Variants in LARGE1 observed in about 807,000 individuals in gnomAD.
LARGE1 encodes the protein LARGE xylosyl- and glucuronyltransferase 1.
Under a neutral mutation model 87.6 loss-of-function variants are expected in LARGE1, and 43 were observed. That is an observed-to-expected ratio of 0.49 (90% CI 0.38 to 0.63). The LOEUF is 0.63. Ranked by LOEUF, LARGE1 falls within the 30% of genes least tolerant of loss-of-function variation. The pLI is 0.00. For missense variants in LARGE1, 802 were observed against 1,000.2 expected (o/e 0.80, Z 2.67); for synonymous variants, 434 against 394.6 (o/e 1.10, Z -1.18).
intron 7 of LARGE1, among the ~76,000 whole-genome samples, chr22:33,407,615 C>G (rs1273464422): frequency 1.3e-5 from 2 of 152,158 alleles, no homozygotes; most frequent in Non-Finnish European, 2.9e-5. Flanking sequence ...TGGCTTTATT[C>G]AATCTCAGCC....
At chr22:33,091,368 C>G in the LARGE1 span, among the ~76,000 whole-genome samples, 2 of 152,034 alleles carry the variant, frequency 1.3e-5, no homozygotes, top group African/African-American at 4.8e-5. Flanking sequence ...CAAGACCAGC[C>G]TGACCAACAT....
intron 11 of LARGE1, among the ~76,000 whole-genome samples, chr22:33,173,364 A>G (rs938519613): frequency 6.6e-6 from 1 of 152,210 alleles, no homozygotes; most frequent in African/African-American, 2.4e-5. Context: ...ATTAAACATG[A>G]AAAGCAATAA....
At chr22:33,672,240 T>C (rs754750972) in intron 2 of LARGE1, among the ~76,000 whole-genome samples, 76 of 152,210 alleles carry the variant, frequency 5.0e-4, no homozygotes, top group Admixed American at 3.3e-4. Context: ...AGACAGAAAA[T>C]GGTCAGAGGA....
chr22:33,237,366 T>C (rs1400823129), intron 11 of LARGE1, among the ~76,000 whole-genome samples: 2 of 152,222 alleles, frequency 1.3e-5, no homozygotes, highest in South Asian at 2.1e-4. Flanking sequence ...TGTGGTTTCC[T>C]GGTTCTGTCC....
At chr22:33,455,554 A>G (rs1490389829) in intron 6 of LARGE1, among the ~76,000 whole-genome samples, 1 of 152,054 alleles carries the variant, frequency 6.6e-6, no homozygotes, top group African/African-American at 2.4e-5. Flanking sequence ...GAAGTTCAAG[A>G]CCAGCATGGC....
At chr22:33,452,089 T>C (rs1025231109) in intron 6 of LARGE1, among the ~76,000 whole-genome samples, 7 of 152,204 alleles carry the variant, frequency 4.6e-5, no homozygotes, top group Non-Finnish European at 8.8e-5. Flanking sequence ...ATCCAACAGT[T>C]ATTTATTGAG....
intron 2 of LARGE1, among the ~76,000 whole-genome samples, chr22:33,708,127 C>T (rs1261337024): frequency 1.3e-5 from 2 of 152,106 alleles, no homozygotes; most frequent in African/African-American, 4.8e-5. Context: ...AGGCTCAGGA[C>T]TAAGAAAGCA....
intron 12 of LARGE1, among the ~76,000 whole-genome samples, chr22:33,291,222 C>A (rs995930893): frequency 6.6e-6 from 1 of 152,128 alleles, no homozygotes; most frequent in African/African-American, 2.4e-5. Flanking sequence ...AAGGAAAACT[C>A]TACGACCAAC....
intron 1 of LARGE1, among the ~76,000 whole-genome samples, chr22:33,767,014 A>C (rs1186562064): frequency 3.5e-5 from 5 of 143,114 alleles, no homozygotes; most frequent in African/African-American, 1.0e-4. Context: ...TTTACAATTT[A>C]AAAGTTATTT....
At chr22:33,673,210 G>A (rs1394250565) in intron 2 of LARGE1, among the ~76,000 whole-genome samples, 1 of 152,168 alleles carries the variant, frequency 6.6e-6, no homozygotes, top group Non-Finnish European at 1.5e-5. Flanking sequence ...GAGAGACGGA[G>A]GTTGCAGGGA....
At chr22:33,366,840 A>G (rs2064612597) in intron 9 of LARGE1, among the ~76,000 whole-genome samples, 1 of 152,170 alleles carries the variant, frequency 6.6e-6, no homozygotes, top group Non-Finnish European at 1.5e-5. Context: ...GGTGTTGATA[A>G]TATCCTGGCT....
At chr22:33,269,671 C>G (rs1214664898), downstream of LARGE1, among the ~76,000 whole-genome samples, 2 of 152,246 alleles carry the variant, frequency 1.3e-5, no homozygotes, top group East Asian at 3.9e-4. Context: ...TTTCCCAGAA[C>G]TGCCTGACAT....
At chr22:33,627,192 G>A (rs1286577537) in intron 3 of LARGE1, among the ~76,000 whole-genome samples, 4 of 152,222 alleles carry the variant, frequency 2.6e-5, no homozygotes, top group African/African-American at 9.6e-5. Flanking sequence ...ACTGGGCGGG[G>A]CTGGCATCCT....
intron 9 of LARGE1, among the ~76,000 whole-genome samples, chr22:33,373,545 T>C (rs2064889290): frequency 6.6e-6 from 1 of 152,168 alleles, no homozygotes; most frequent in Middle Eastern, 3.2e-3. Flanking sequence ...GATTTTCAGG[T>C]CATACATCAT....
intron 6 of LARGE1, among the ~76,000 whole-genome samples, chr22:33,544,972 G>A (rs1327651677): frequency 6.6e-6 from 1 of 152,140 alleles, no homozygotes; most frequent in Non-Finnish European, 1.5e-5. Flanking sequence ...CAGTCATTCT[G>A]CTGATGTTAC....
chr22:33,161,184 A>C (rs920425197), downstream of LARGE1, among the ~76,000 whole-genome samples: 1 of 152,158 alleles, frequency 6.6e-6, no homozygotes, highest in Admixed American at 6.5e-5. Flanking sequence ...CTCACTCACT[A>C]CCATGAGAAC....
intron 6 of LARGE1, among the ~76,000 whole-genome samples, chr22:33,516,021 G>C (rs762508648): frequency 1.3e-5 from 2 of 152,216 alleles, no homozygotes; most frequent in African/African-American, 4.8e-5. Context: ...CTTCACCAGC[G>C]TGAGAAGAGC....
Position 33,535,789 on chromosome 22 carries a change from G to A in LARGE1, c.787+29059C>T, listed in dbSNP as rs140917784. Among the ~76,000 whole-genome samples the A allele has an allele frequency of 5.6e-3, 853 of 152,174 alleles. 9 individuals carry two copies. The highest frequency in any genetic ancestry group is 0.02 in the African/African-American group (811 of 41,514). On this transcript the variant is annotated intron_variant, in intron 6 of 14. Transcript: ENST00000397394. ...CAGCCCACTCCTTGCCTTGTTGCCC[G>A]GTGGGATCGCTGATCTGTGATGTCG... is the stretch of plus-strand genomic sequence containing the variant.
At chr22:33,071,515 T>G in the LARGE1 span, among the ~76,000 whole-genome samples, 1 of 152,208 alleles carries the variant, frequency 6.6e-6, no homozygotes, top group Non-Finnish European at 1.5e-5. Context: ...CTAGATAAGC[T>G]GGACAGATAA....
Sources: allele counts gnomAD v4.1 joint callset (sites outside exome capture counted in the v4.1 genomes callset), GRCh38; gene constraint gnomAD v4.1.1; transcripts MANE v1.5; gene names NCBI Gene and HGNC (gene_info 2026-07-23, HGNC 2026-07-21).